Variants in SCAPER observed in about 807,000 individuals in gnomAD.
SCAPER encodes S-phase cyclin A associated protein in the ER.
Under a neutral mutation model 182.2 loss-of-function variants are expected in SCAPER, and 98 were observed. That is an observed-to-expected ratio of 0.54 (90% confidence interval 0.46 to 0.64). The LOEUF (loss-of-function observed/expected upper bound fraction) is 0.64. Among genes scored for constraint, SCAPER ranks in the 30% least tolerant of loss-of-function variants. The pLI is 0.00. For missense variants in SCAPER, 1,432 were observed against 1,690.0 expected, an observed-to-expected ratio of 0.85 and a Z score of 2.68; for synonymous variants, 605 against 564.6, an observed-to-expected ratio of 1.07 and a Z score of -1.01.
intron 21 of SCAPER, among the ~76,000 whole-genome samples, chr15:76,629,462 G>A (rs1413081171): frequency 6.6e-6 from 1 of 152,092 alleles, no homozygotes; most frequent in Admixed American, 6.6e-5. Flanking sequence ...GAGAGTTTTT[G>A]ACATGAAGGG....
At chr15:76,472,557 G>A (rs2050272329) in intron 24 of SCAPER, among the ~76,000 whole-genome samples, 1 of 152,138 alleles carries the variant, frequency 6.6e-6, no homozygotes, top group Admixed American at 6.5e-5. Context: ...GTAGAGACGG[G>A]GTTTCAACAT....
chr15:76,607,959 C>A (rs762450731), intron 22 of SCAPER, among the ~76,000 whole-genome samples: 2 of 152,150 alleles, frequency 1.3e-5, no homozygotes, highest in South Asian at 2.1e-4. Context: ...GCCATTGGTT[C>A]GAATTTCCTC....
At chr15:76,639,509 T>C (rs1343630340) in intron 21 of SCAPER, among the ~76,000 whole-genome samples, 4 of 152,208 alleles carry the variant, frequency 2.6e-5, no homozygotes, top group Non-Finnish European at 5.9e-5. Context: ...GTATGAGAGT[T>C]GGGGCTGGAG....
chr15:76,806,974 G>A (rs2066210440), intron 5 of SCAPER, among the ~76,000 whole-genome samples: 1 of 151,940 alleles, frequency 6.6e-6, no homozygotes, highest in Non-Finnish European at 1.5e-5. Flanking sequence ...TGTCTTTAAG[G>A]GTTCTTTATA....
chr15:76,423,641 T>C (rs141911296), intron 26 of SCAPER, among the ~76,000 whole-genome samples: 3,735 of 152,286 alleles, frequency 0.025, 154 homozygotes, highest in African/African-American at 0.087. Flanking sequence ...CTCATCTTAG[T>C]TATTTCTTGC....
rs183734298 is a variant in SCAPER, at chr15:76,619,999, C to T, written c.2711+1765G>A. ...GCTGAGGCACAAGAATTGCCCGAAC[C>T]TGGGAGGCAGAGGTTGCAGTGAGCC... On this transcript the variant is annotated intron_variant, in intron 22 of 31. Coordinates refer to ENST00000563290, the MANE Select transcript of SCAPER (RefSeq NM_020843.4). Among the ~76,000 whole-genome samples, 13 of 152,278 alleles carry T rather than the reference C, an allele frequency of 8.5e-5. No individual in the cohort carries two copies. In the East Asian group the frequency reaches 2.5e-3, roughly 29 times the overall value.
At chr15:76,843,191 C>T (rs1293094141) in intron 4 of SCAPER, among the ~76,000 whole-genome samples, 1 of 152,092 alleles carries the variant, frequency 6.6e-6, no homozygotes, top group African/African-American at 2.4e-5. Context: ...TTTTACCATC[C>T]TTTCTTATAA....
intron 1 of SCAPER, among the ~76,000 whole-genome samples, chr15:76,900,646 T>C (rs2074730319): frequency 6.6e-6 from 1 of 152,166 alleles, no homozygotes; most frequent in African/African-American, 2.4e-5. Flanking sequence ...TGGAGATGCC[T>C]AAGAATCCTA....
intron 24 of SCAPER, among the ~76,000 whole-genome samples, chr15:76,479,187 C>G (rs1249938271): frequency 2.0e-5 from 3 of 152,012 alleles, no homozygotes; most frequent in African/African-American, 7.2e-5. Context: ...AGGAGGGAAC[C>G]GAAAAACTCA....
intron 25 of SCAPER, among the ~76,000 whole-genome samples, chr15:76,468,716 T>C (rs1180704512): frequency 2.6e-5 from 4 of 152,190 alleles, no homozygotes; most frequent in African/African-American, 9.6e-5. Flanking sequence ...TATCATTTAC[T>C]GTATGTACTA....
intron 23 of SCAPER, among the ~76,000 whole-genome samples, chr15:76,511,630 T>C (rs929831435): frequency 2.9e-4 from 44 of 152,230 alleles, no homozygotes; most frequent in African/African-American, 1.0e-3. Context: ...CTCTGTGCTT[T>C]TGCATAAACT....
At chr15:76,738,782 T>A (rs572039009) in intron 15 of SCAPER, among the ~76,000 whole-genome samples, 98 of 152,208 alleles carry the variant, frequency 6.4e-4, no homozygotes, top group Middle Eastern at 3.4e-3. Context: ...AGATCACTTA[T>A]CACAGATCAC....
chr15:76,588,602 G>A (rs1352645735), intron 22 of SCAPER, among the ~76,000 whole-genome samples: 1 of 152,156 alleles, frequency 6.6e-6, no homozygotes, highest in Non-Finnish European at 1.5e-5. Flanking sequence ...TTCAACGTGA[G>A]TATTGAGATG....
At chr15:76,793,280 G>T (rs971651977) in intron 8 of SCAPER, 3 of 854,512 alleles carry the variant, frequency 3.5e-6, no homozygotes, top group Non-Finnish European at 5.9e-6. Flanking sequence ...AAGTCTCCTG[G>T]CATGCAACTC....
chr15:76,695,439 A>T (rs775616249), intron 20 of SCAPER, among the ~76,000 whole-genome samples: 3 of 152,134 alleles, frequency 2.0e-5, no homozygotes, highest in South Asian at 4.2e-4. Context: ...CTACCAAAAA[A>T]TACAAAAATT....
chr15:76,500,326 C>A (rs2040988977), intron 24 of SCAPER, among the ~76,000 whole-genome samples: 1 of 152,192 alleles, frequency 6.6e-6, no homozygotes, highest in Admixed American at 6.5e-5. Context: ...GCAGAACAAC[C>A]TAAAGTAGCT....
chr15:76,608,104 A>G (rs2050620558), intron 22 of SCAPER, among the ~76,000 whole-genome samples: 1 of 151,720 alleles, frequency 6.6e-6, no homozygotes, highest in African/African-American at 2.4e-5. Context: ...TGATTTTTAG[A>G]GTTTCCAGTT....
intron 8 of SCAPER, among the ~76,000 whole-genome samples, chr15:76,791,584 G>A (rs979830143): frequency 6.6e-6 from 1 of 151,824 alleles, no homozygotes; most frequent in Admixed American, 6.6e-5. Context: ...GAGGGGGTGG[G>A]AAAGTACTGC....
chr15:76,454,757 C>T (rs950602496), intron 25 of SCAPER, among the ~76,000 whole-genome samples: 1 of 151,932 alleles, frequency 6.6e-6, no homozygotes, highest in Non-Finnish European at 1.5e-5. Flanking sequence ...AGAAATCACA[C>T]ATTTTATCTT....
Sources: gnomAD v4.1 joint callset for allele counts (sites outside exome capture counted in the v4.1 genomes callset) on GRCh38, gnomAD v4.1.1 for gene constraint, MANE v1.5 for transcripts, NCBI Gene and HGNC (gene_info 2026-07-23, HGNC 2026-07-21) for gene names.